The following DIS3L2 variants were observed in gnomAD, a reference collection of about 807,000 sequenced individuals.
DIS3L2 encodes DIS3-like exonuclease 2.
Under a neutral mutation model 97.5 loss-of-function variants are expected in DIS3L2, and 34 were observed. That is an observed-to-expected ratio of 0.35 (90% CI 0.27 to 0.46). The LOEUF (loss-of-function observed/expected upper bound fraction) is 0.46. Ranked by LOEUF, DIS3L2 falls within the 20% of genes least tolerant of loss-of-function variation. The pLI, the probability that DIS3L2 is intolerant of heterozygous loss-of-function variation, is 1.00. For synonymous variants in DIS3L2, 435 were observed against 445.2 expected (o/e 0.98, Z 0.29); for missense variants, 1,038 against 1,146.0 (o/e 0.91, Z 1.36).
chr2:231,967,249 G>C (rs1328278320), intron 1 of DIS3L2, among the ~76,000 whole-genome samples: 1 of 152,202 alleles, frequency 6.6e-6, no homozygotes, highest in Non-Finnish European at 1.5e-5. Flanking sequence ...ACCGGATGAG[G>C]CAGGAAGTTA....
chr2:232,232,253 G>T (rs184489356), intron 10 of DIS3L2, among the ~76,000 whole-genome samples: 1 of 152,288 alleles, frequency 6.6e-6, no homozygotes, highest in East Asian at 1.9e-4. Context: ...CAAAAGCCAG[G>T]CCAGGCAGGC....
intron 13 of DIS3L2, among the ~76,000 whole-genome samples, chr2:232,285,605 G>C (rs529835150): frequency 1.3e-5 from 2 of 152,316 alleles, no homozygotes; most frequent in Admixed American, 6.5e-5. Context: ...AGGAAGTGTG[G>C]CCCAGTAGGA....
In DIS3L2 at chr2:232,158,225, C is replaced by T. The variant is rs11689659; in HGVS notation, c.951-5234C>T. On this transcript the variant is annotated intron_variant, in intron 8 of 20. Coordinates refer to ENST00000325385, the MANE Select transcript of DIS3L2 (RefSeq NM_152383.5). ...ACAATGGATTTAATGCTATCGTGTC[C>T]ATTTATGACTCATGACAATGGAGGG... is the stretch of plus-strand genomic sequence containing the variant. Among the ~76,000 whole-genome samples, 435 of 152,076 alleles carry T rather than the reference C, an allele frequency of 2.9e-3. 1 individual carries two copies. Among genetic ancestry groups the T allele is most frequent in the Non-Finnish European group, 4.8e-3 (323 of 67,992 alleles).
chr2:232,136,487 G>C lies in DIS3L2; in HGVS notation c.718G>C (p.Glu240Gln), dbSNP rs762069645. 6.2e-7 allele frequency: 1 copy of C among 1,613,854 alleles called. No individual in the cohort carries two copies. Among genetic ancestry groups the C allele is most frequent in the South Asian group, 1.1e-5 (1 of 91,060 alleles). ...GTGTTTTTAGGTGGTTTACATCTTG[G>C]AGAAAAAACATTCTCGAGCAGCAAC... ...QRSAKVVYIL[E>Q]KKHSRAATGF... Residue 240 changes from glutamate (E) to glutamine (Q), a missense_variant, in exon 8 of 21, where the codon GAG becomes CAG. Glu to Gln is a conservative substitution (Grantham distance 29). Around this residue, in one of 3 missense-constraint regions of DIS3L2, gnomAD observed 813 missense variants for 880.1 expected, o/e 0.92. Transcript: ENST00000325385.
At chr2:231,999,450 G>A (rs1693819266) in intron 1 of DIS3L2, among the ~76,000 whole-genome samples, 2 of 152,148 alleles carry the variant, frequency 1.3e-5, no homozygotes, top group Non-Finnish European at 2.9e-5. Flanking sequence ...AGACGCATCC[G>A]TATTTCTCTA....
In DIS3L2 at chr2:232,333,756, G is replaced by GAGATTGGAC; in HGVS notation, c.2011-84_2011-83insAGATTGGAC. The GAGATTGGAC allele has an allele frequency of 7.4e-6, 11 of 1,487,174 alleles. No individual in the cohort carries two copies. In the Admixed American group the frequency reaches 9.1e-5, roughly 12 times the overall value. 92.1% of individuals were successfully genotyped at this position (1,487,174 alleles called of 1,614,324 possible). ...GGTCTGTCCACACATCGCTGCCGAC[G>GAGATTGGAC]GTGAGGCTGTGGGTGGTGCCAGCCT... On this transcript the variant is annotated intron_variant, in intron 16 of 20. Coordinates refer to ENST00000325385, the MANE Select transcript of DIS3L2 (RefSeq NM_152383.5).
At chr2:232,337,553 TGGCC>T (rs1327350838), downstream of DIS3L2, among the ~76,000 whole-genome samples, 2 of 152,030 alleles carry the variant, frequency 1.3e-5, no homozygotes, top group African/African-American at 4.8e-5. Flanking sequence ...CAGAGCTGGC[TGGCC>T]ACTGGGCAGT....
intron 6 of DIS3L2, among the ~76,000 whole-genome samples, chr2:232,120,019 C>A (rs79427922): frequency 6.6e-6 from 1 of 151,944 alleles, no homozygotes; most frequent in Non-Finnish European, 1.5e-5. Flanking sequence ...TTTTTCCCCC[C>A]AGTCTCTGCC....
At chr2:232,080,546 A>G (rs997909569) in intron 5 of DIS3L2, among the ~76,000 whole-genome samples, 1 of 152,114 alleles carries the variant, frequency 6.6e-6, no homozygotes, top group East Asian at 1.9e-4. Context: ...TCATTGTCTA[A>G]TCACTATTTA....
In DIS3L2 at chr2:232,281,153, A is replaced by C. The variant is rs1035618168; in HGVS notation, c.1659+17713A>C. On this transcript the variant is annotated intron_variant, in intron 13 of 20. Coordinates refer to ENST00000325385, the MANE Select transcript of DIS3L2 (RefSeq NM_152383.5). The surrounding 1 kb of genome is among the most constrained non-coding windows in gnomAD (Gnocchi z 4.1). ...CGGTGGCTCACACCTATAACCCAGC[A>C]CTTTGGGAGGCCGAGGCGGGTGGAT... Among the ~76,000 whole-genome samples the C allele has an allele frequency of 6.6e-6, 1 of 152,206 alleles. No individual in the cohort carries two copies. Among genetic ancestry groups the C allele is most frequent in the African/African-American group, 2.4e-5 (1 of 41,446 alleles).
At chr2:232,186,485 A>G (rs1574933436) in intron 9 of DIS3L2, among the ~76,000 whole-genome samples, 2 of 152,342 alleles carry the variant, frequency 1.3e-5, no homozygotes, top group Non-Finnish European at 2.9e-5. Context: ...TTTAAAGAAG[A>G]ATTAACAGCA....
At chr2:232,089,609 G>T (rs1696778462) in intron 6 of DIS3L2, among the ~76,000 whole-genome samples, 1 of 152,178 alleles carries the variant, frequency 6.6e-6, no homozygotes, top group Admixed American at 6.5e-5. Flanking sequence ...ATATTCACAG[G>T]ATAAAGCCAG....
At chr2:232,258,584 G>C (rs1693630433) in intron 12 of DIS3L2, among the ~76,000 whole-genome samples, 1 of 133,836 alleles carries the variant, frequency 7.5e-6, no homozygotes, top group African/African-American at 2.8e-5. Context: ...GAGTGACAGA[G>C]CGAGACTCTG....
At chr2:232,076,190 A>G (rs1275148421) in intron 5 of DIS3L2, among the ~76,000 whole-genome samples, 1 of 152,200 alleles carries the variant, frequency 6.6e-6, no homozygotes, top group Non-Finnish European at 1.5e-5. Context: ...TGCCATTCCT[A>G]AAGGAGAATT....
intron 12 of DIS3L2, among the ~76,000 whole-genome samples, chr2:232,257,625 T>G (rs987897187): frequency 2.6e-5 from 4 of 152,226 alleles, no homozygotes; most frequent in African/African-American, 9.6e-5. Flanking sequence ...CCTGCAAAAG[T>G]GATTTTGTAC....
chr2:232,323,367 C>T (rs1256698946), intron 14 of DIS3L2, among the ~76,000 whole-genome samples: 2 of 152,234 alleles, frequency 1.3e-5, no homozygotes, highest in African/African-American at 4.8e-5. Flanking sequence ...TCTCCTTTCG[C>T]TCCCCATTAC....
At chr2:232,282,809 G>A (rs1694328786) in intron 13 of DIS3L2, among the ~76,000 whole-genome samples, 1 of 152,222 alleles carries the variant, frequency 6.6e-6, no homozygotes, top group Non-Finnish European at 1.5e-5. Flanking sequence ...TAAGCAGAGA[G>A]CACTTGGCCA....
intron 13 of DIS3L2, among the ~76,000 whole-genome samples, chr2:232,284,475 C>A (rs1694375439): frequency 6.6e-6 from 1 of 152,140 alleles, no homozygotes; most frequent in Non-Finnish European, 1.5e-5. Flanking sequence ...TTATCTTTTC[C>A]CAATTTTACT....
chr2:232,106,610 C>G (rs1274587339), intron 6 of DIS3L2, among the ~76,000 whole-genome samples: 2 of 152,134 alleles, frequency 1.3e-5, no homozygotes, highest in South Asian at 2.1e-4. Flanking sequence ...ATAAAGCAAC[C>G]TCTTAGAGAC....
Sources: allele counts gnomAD v4.1 joint callset (sites outside exome capture counted in the v4.1 genomes callset), GRCh38; gene constraint gnomAD v4.1.1; regional missense constraint gnomAD v4.1.1; non-coding constraint Gnocchi (gnomAD v3.1); transcripts MANE v1.5; gene names NCBI Gene and HGNC (gene_info 2026-07-23, HGNC 2026-07-21).